The following CTNNA3 variants were observed in gnomAD, a reference collection of about 807,000 sequenced individuals.
CTNNA3 encodes the protein catenin alpha 3.
A neutral mutation model predicts 95.7 loss-of-function variants in CTNNA3; 76 were observed. The observed-to-expected ratio is 0.79, with a 90% CI of 0.66 to 0.96. The LOEUF (loss-of-function observed/expected upper bound fraction) is 0.96, where lower values mean the gene tolerates loss of function less well. Among genes scored for constraint, CTNNA3 ranks in the 40% least tolerant of loss-of-function variants. The probability of loss-of-function intolerance (pLI) is 0.00; values close to 1 mark genes in which losing one functional copy is unlikely to be tolerated. For synonymous variants in CTNNA3, 431 were observed against 374.4 expected, an observed-to-expected ratio of 1.15 and a Z score of -1.74; for missense variants, 1,191 against 1,089.8, an observed-to-expected ratio of 1.09 and a Z score of -1.31.
intron 11 of CTNNA3, among the ~76,000 whole-genome samples, chr10:66,490,521 A>C (rs910890895): frequency 2.6e-5 from 4 of 152,222 alleles, no homozygotes; most frequent in African/African-American, 9.6e-5. Context: ...GATCTTATAC[A>C]GGTTAAATCT....
At chr10:67,307,708 G>T (rs1840613717) in intron 5 of CTNNA3, among the ~76,000 whole-genome samples, 2 of 152,108 alleles carry the variant, frequency 1.3e-5, no homozygotes, top group Admixed American at 1.3e-4. Flanking sequence ...CTCTTTCTAA[G>T]ACTGAGTGTA....
intron 15 of CTNNA3, among the ~76,000 whole-genome samples, chr10:66,002,106 C>T (rs575462735): frequency 5.7e-4 from 86 of 151,960 alleles, no homozygotes; most frequent in African/African-American, 1.3e-3. Context: ...ATTCTACTAC[C>T]AGAATTCCCT....
At chr10:66,414,454 A>C (rs1196490207) in intron 11 of CTNNA3, among the ~76,000 whole-genome samples, 1 of 152,202 alleles carries the variant, frequency 6.6e-6, no homozygotes, top group Non-Finnish European at 1.5e-5. Context: ...GATGCTCAGC[A>C]GCCTGCATTT....
At chr10:67,539,719 T>TGATAA in intron 3 of CTNNA3, 50 bp from the exon 4 acceptor site, 1 of 1,533,178 alleles carries the variant, frequency 6.5e-7, no homozygotes, top group Non-Finnish European at 9.0e-7. Context: ...CAACTATGCC[T>TGATAA]ATTTCAGGAT....
chr10:66,608,966 G>C (rs900106842), intron 10 of CTNNA3, among the ~76,000 whole-genome samples: 1 of 152,032 alleles, frequency 6.6e-6, no homozygotes, highest in Non-Finnish European at 1.5e-5. Flanking sequence ...AAGAGCTTCC[G>C]CACAACAGAA....
At chr10:66,745,130 T>C (rs1838807273) in intron 9 of CTNNA3, among the ~76,000 whole-genome samples, 1 of 152,204 alleles carries the variant, frequency 6.6e-6, no homozygotes, top group Non-Finnish European at 1.5e-5. Context: ...GTCATCACAT[T>C]CTTAGTTTTC....
chr10:67,377,273 G>A (rs985619994), intron 5 of CTNNA3, among the ~76,000 whole-genome samples: 5 of 152,180 alleles, frequency 3.3e-5, no homozygotes, highest in Non-Finnish European at 2.9e-5. Context: ...AGTAGAATGT[G>A]TATGTAGCAG....
intron 7 of CTNNA3, 135 bp downstream of exon 7, chr10:67,180,182 C>T: frequency 3.9e-6 from 3 of 762,358 alleles, no homozygotes; most frequent in South Asian, 3.4e-5. Flanking sequence ...GCAGAACTCA[C>T]TTAGAAAATC....
chr10:66,237,724 A>G (rs1293772552), intron 13 of CTNNA3, among the ~76,000 whole-genome samples: 1 of 152,068 alleles, frequency 6.6e-6, no homozygotes, highest in African/African-American at 2.4e-5. Context: ...TCTTATAACC[A>G]TTTTTTTCAA....
intron 7 of CTNNA3, among the ~76,000 whole-genome samples, chr10:67,169,311 T>A (rs1449910585): frequency 6.6e-6 from 1 of 151,704 alleles, no homozygotes; most frequent in Non-Finnish European, 1.5e-5. Context: ...GGAACCAAAA[T>A]GAGCCTGAAT....
chr10:66,508,210 G>GTTTTTTTTTTTTTTTTTTTTTTTTT (rs756807793), intron 11 of CTNNA3, among the ~76,000 whole-genome samples: 129 of 108,336 alleles, frequency 1.2e-3, no homozygotes, highest in African/African-American at 1.8e-3. Flanking sequence ...TTTGTTTTCT[G>GTTTTTTTTTTTTTTTTTTTTTTTTT]TTTTTTTTTT....
intron 16 of CTNNA3, among the ~76,000 whole-genome samples, chr10:65,976,993 A>G (rs2078219611): frequency 6.6e-6 from 1 of 152,222 alleles, no homozygotes; most frequent in Non-Finnish European, 1.5e-5. Flanking sequence ...TACAAAAAAA[A>G]TTAAATTTAA....
intron 7 of CTNNA3, among the ~76,000 whole-genome samples, chr10:67,077,040 C>T (rs899308448): frequency 6.6e-6 from 1 of 152,150 alleles, no homozygotes; most frequent in Non-Finnish European, 1.5e-5. Flanking sequence ...TTTGTGCATC[C>T]AGAAATCTAA....
chr10:66,868,518 C>T (rs994678565), intron 7 of CTNNA3, among the ~76,000 whole-genome samples: 6 of 151,532 alleles, frequency 4.0e-5, no homozygotes, highest in Admixed American at 2.6e-4. Context: ...TTTGGGAGTC[C>T]GAGGCAGGTG....
At chr10:66,878,751 G>T (rs1844727738) in intron 7 of CTNNA3, among the ~76,000 whole-genome samples, 1 of 152,074 alleles carries the variant, frequency 6.6e-6, no homozygotes, top group Non-Finnish European at 1.5e-5. Flanking sequence ...GACCAGTAGA[G>T]GTGGCTTTTT....
At chr10:66,494,990 T>G (rs574918862) in intron 11 of CTNNA3, among the ~76,000 whole-genome samples, 11 of 152,324 alleles carry the variant, frequency 7.2e-5, no homozygotes, top group African/African-American at 2.6e-4. Context: ...TCCCCCTCAT[T>G]GCGTATTGAA....
At chr10:66,919,524 T>C (rs1028141425) in intron 7 of CTNNA3, among the ~76,000 whole-genome samples, 1 of 152,162 alleles carries the variant, frequency 6.6e-6, no homozygotes, top group Non-Finnish European at 1.5e-5. Flanking sequence ...TAAATGTATC[T>C]TCAGGTGAAT....
At chr10:66,397,758 T>C (rs2132549124) in intron 11 of CTNNA3, among the ~76,000 whole-genome samples, 1 of 152,030 alleles carries the variant, frequency 6.6e-6, no homozygotes, top group African/African-American at 2.4e-5. Context: ...ATTTTTCCAA[T>C]GACATACTTA....
chr10:66,202,932 A>C (rs1445822793), intron 13 of CTNNA3, among the ~76,000 whole-genome samples: 2 of 152,210 alleles, frequency 1.3e-5, no homozygotes, highest in African/African-American at 2.4e-5. Flanking sequence ...CTAATTTAGC[A>C]AGGTTTCCTC....
Sources: allele counts gnomAD v4.1 joint callset (sites outside exome capture counted in the v4.1 genomes callset), GRCh38; gene constraint gnomAD v4.1.1; transcripts MANE v1.5; gene names NCBI Gene and HGNC (gene_info 2026-07-23, HGNC 2026-07-21).